MYO16: variants seen among roughly 807,000 people sequenced by gnomAD.
MYO16 encodes myosin XVI.
A neutral mutation model predicts 205.3 loss-of-function variants in MYO16; 94 were observed. The ratio of observed to expected loss-of-function variants is 0.46; its 90% CI spans 0.39 to 0.54. The LOEUF (loss-of-function observed/expected upper bound fraction) is 0.54. MYO16 is among the 20% of genes least tolerant of loss of function. The pLI is 0.00. For missense variants in MYO16, 2,315 were observed against 2,387.5 expected, an observed-to-expected ratio of 0.97 and a Z score of 0.63; for synonymous variants, 988 against 954.0, an observed-to-expected ratio of 1.04 and a Z score of -0.66.
chr13:109,176,581 A>AAAAAAAAAAAAAAAAAAAAAG (rs1879194280), intron 33 of MYO16, among the ~76,000 whole-genome samples: 1 of 142,004 alleles, frequency 7.0e-6, no homozygotes, highest in Non-Finnish European at 1.5e-5. Context: ...TGCTGGTAAA[A>AAAAAAAAAAAAAAAAAAAAAG]AAAAAAAAAA....
chr13:108,681,629 C>T (rs769426271), intron 2 of MYO16, among the ~76,000 whole-genome samples: 3 of 151,674 alleles, frequency 2.0e-5, no homozygotes, highest in Non-Finnish European at 4.4e-5. Context: ...AGAAGGTGAA[C>T]ATGTGCTCCT....
At chr13:109,160,892 T>C (rs1308277815) in intron 32 of MYO16, among the ~76,000 whole-genome samples, 7 of 152,210 alleles carry the variant, frequency 4.6e-5, no homozygotes, top group Admixed American at 3.3e-4. Flanking sequence ...ATTGTTGTAA[T>C]TCCCTCACTG....
intron 3 of MYO16, among the ~76,000 whole-genome samples, chr13:108,717,805 T>A (rs1016130664): frequency 6.6e-6 from 1 of 152,080 alleles, no homozygotes; most frequent in East Asian, 1.9e-4. Flanking sequence ...AGATAAGAAA[T>A]TTTCAACAGT....
chr13:109,103,535 A>G (rs1250153893), intron 28 of MYO16, among the ~76,000 whole-genome samples: 4 of 152,238 alleles, frequency 2.6e-5, no homozygotes, highest in African/African-American at 9.6e-5. Context: ...AGTGGTATAC[A>G]GTGTTAGCTA....
intron 7 of MYO16, among the ~76,000 whole-genome samples, chr13:108,808,319 C>T (rs1887178139): frequency 1.3e-5 from 2 of 150,634 alleles, no homozygotes; most frequent in Admixed American, 6.6e-5. Context: ...TTTAATGAAC[C>T]TTCTTTTTTT....
chr13:109,075,165 G>A (rs1888052617), intron 27 of MYO16, among the ~76,000 whole-genome samples: 1 of 152,140 alleles, frequency 6.6e-6, no homozygotes, highest in African/African-American at 2.4e-5. Context: ...ATGTACAAGT[G>A]TTTATATAGA....
intron 29 of MYO16, among the ~76,000 whole-genome samples, chr13:109,123,455 G>A (rs1446470699): frequency 6.6e-6 from 1 of 151,200 alleles, no homozygotes; most frequent in Non-Finnish European, 1.5e-5. Context: ...TTTTTTTTTA[G>A]TGTAACAAGA....
chr13:109,023,633 A>G (rs1439864434), intron 23 of MYO16, among the ~76,000 whole-genome samples: 1 of 109,496 alleles, frequency 9.1e-6, no homozygotes, highest in Non-Finnish European at 1.9e-5. Flanking sequence ...ATATAGACAA[A>G]TATATATACA....
In MYO16 at chr13:109,140,442, C is replaced by T. The variant is rs1463017531; in HGVS notation, c.4230C>T (p.Thr1410=). The T allele has an allele frequency of 1.3e-6, 2 of 1,551,698 alleles. No homozygotes were observed. Among genetic ancestry groups the T allele is most frequent in the Admixed American group, 1.9e-5 (1 of 52,948 alleles). ...CGGGGGCAGCAGCGCGCGTTCTGAC[C>T]CCCGGGACTCCGCAGTGCGCGCTGC... ...GAPGAAARVL[T]PGTPQCALPP... The change falls in exon 32 of 35, where the codon ACC becomes ACT. Residue 1410 remains threonine (T), a synonymous_variant. Coordinates refer to ENST00000457511, the MANE Select transcript of MYO16 (RefSeq NM_001198950.3). This position sits in a 1 kb window ranked among gnomAD's most constrained non-coding sequence, Gnocchi z 8.0.
intron 23 of MYO16, among the ~76,000 whole-genome samples, chr13:109,036,786 A>G (rs1471262268): frequency 6.6e-6 from 1 of 152,212 alleles, no homozygotes; most frequent in African/African-American, 2.4e-5. Flanking sequence ...CTTGAGAAGG[A>G]AAAATAAATA....
chr13:108,740,840 C>A (rs1594255662), intron 4 of MYO16, among the ~76,000 whole-genome samples: 2 of 152,158 alleles, frequency 1.3e-5, no homozygotes, highest in East Asian at 3.9e-4. Context: ...ATGGCAGGCA[C>A]CCCTCCCCCA....
chr13:109,076,647 C>G (rs1888115743), intron 27 of MYO16, among the ~76,000 whole-genome samples: 1 of 152,168 alleles, frequency 6.6e-6, no homozygotes, highest in African/African-American at 2.4e-5. Flanking sequence ...ACCTAACACT[C>G]CGCAAGAGTA....
At chr13:109,015,520 T>G (rs1885777783) in intron 22 of MYO16, among the ~76,000 whole-genome samples, 1 of 152,182 alleles carries the variant, frequency 6.6e-6, no homozygotes, top group Non-Finnish European at 1.5e-5. Flanking sequence ...TTGATTGGAA[T>G]AGTTTTAGAA....
At chr13:108,663,166 T>C (rs1180255721) in intron 1 of MYO16, among the ~76,000 whole-genome samples, 1 of 152,204 alleles carries the variant, frequency 6.6e-6, no homozygotes, top group African/African-American at 2.4e-5. Flanking sequence ...CCTCTCGGGA[T>C]TGCTGGTTTC....
In MYO16 at chr13:108,855,492, A is replaced by T. The variant is rs1468693704; in HGVS notation, c.1298A>T (p.Glu433Val). 6.3e-7 allele frequency: 1 copy of T among 1,598,212 alleles called. No homozygotes were observed. The highest frequency in any genetic ancestry group is 8.6e-7 in the Non-Finnish European group (1 of 1,167,720). The change falls in exon 11 of 35, where the codon GAG becomes GTG. Residue 433 changes from glutamate to valine, a missense_variant. Around this residue, in one of 3 missense-constraint regions of MYO16, gnomAD observed 1,213 missense variants for 1,274.4 expected, o/e 0.95. Transcript: ENST00000457511. ...AACGATGACCTGGCAACGCTCAGCG[A>T]GCTCAATGATGGCAGCCTGCTCTAT... ...APNDDLATLS[E>V]LNDGSLLYEI... is the part of the protein sequence containing the mutation.
chr13:108,647,868 T>C (rs936123283), intron 1 of MYO16, among the ~76,000 whole-genome samples: 1 of 152,194 alleles, frequency 6.6e-6, no homozygotes, highest in African/African-American at 2.4e-5. Flanking sequence ...AATAATAGAT[T>C]TGAATGATTG....
At chr13:108,923,113 G>T (rs904540153) in intron 16 of MYO16, among the ~76,000 whole-genome samples, 1 of 152,168 alleles carries the variant, frequency 6.6e-6, no homozygotes, top group African/African-American at 2.4e-5. Context: ...TTTTGTGGCG[G>T]TATTTGCAAT....
chr13:108,755,949 T>G (rs1436597400), intron 4 of MYO16, among the ~76,000 whole-genome samples: 2 of 152,204 alleles, frequency 1.3e-5, no homozygotes, highest in African/African-American at 4.8e-5. Context: ...TTTGAAGTGC[T>G]TCCGTTACTT....
At chr13:109,048,249 C>T (rs897242207) in intron 24 of MYO16, 1 of 634,800 alleles carries the variant, frequency 1.6e-6, no homozygotes, top group Non-Finnish European at 2.9e-6. Flanking sequence ...TTAATAGAGT[C>T]CCTGTATTTT....
Sources: allele counts gnomAD v4.1 joint callset (sites outside exome capture counted in the v4.1 genomes callset), GRCh38; gene constraint gnomAD v4.1.1; regional missense constraint gnomAD v4.1.1; non-coding constraint Gnocchi (gnomAD v3.1); transcripts MANE v1.5; gene names NCBI Gene and HGNC (gene_info 2026-07-23, HGNC 2026-07-21).